Variants in CTNNA2 observed in about 807,000 individuals in gnomAD.
CTNNA2 encodes the protein catenin alpha 2.
In CTNNA2, 42 loss-of-function variants were observed where a neutral mutation model predicts 101.0. The observed-to-expected ratio is 0.42, with a 90% CI of 0.32 to 0.54. The LOEUF is 0.54. CTNNA2 is among the 20% of genes least tolerant of loss of function. The pLI is 0.14. For missense variants in CTNNA2, 871 were observed against 1,223.1 expected, an observed-to-expected ratio of 0.71 and a Z score of 4.29; for synonymous variants, 450 against 456.4, an observed-to-expected ratio of 0.99 and a Z score of 0.18.
chr2:79,381,462 A>G (rs1678038592), intron 4 of CTNNA2, among the ~76,000 whole-genome samples: 1 of 152,328 alleles, frequency 6.6e-6, no homozygotes, highest in Non-Finnish European at 1.5e-5. Flanking sequence ...TTTTGATTCA[A>G]TTGATCAAAA....
intron 1 of CTNNA2, among the ~76,000 whole-genome samples, chr2:79,648,095 T>C (rs1680950045): frequency 6.6e-6 from 1 of 152,232 alleles, no homozygotes; most frequent in Non-Finnish European, 1.5e-5. Context: ...AATGACTATT[T>C]ACTGAAAAAT....
At chr2:79,981,805 T>C (rs1431077193) in intron 7 of CTNNA2, among the ~76,000 whole-genome samples, 1 of 152,214 alleles carries the variant, frequency 6.6e-6, no homozygotes, top group East Asian at 1.9e-4. Context: ...AATACCTAAC[T>C]AATGTATGTC....
chr2:80,159,429 A>G (rs1304945345), intron 7 of CTNNA2, among the ~76,000 whole-genome samples: 1 of 152,232 alleles, frequency 6.6e-6, no homozygotes, highest in Non-Finnish European at 1.5e-5. Context: ...CAACTTAAAC[A>G]AAAATTAGCC....
At chr2:80,081,154 T>C (rs1253164379) in intron 7 of CTNNA2, among the ~76,000 whole-genome samples, 1 of 151,578 alleles carries the variant, frequency 6.6e-6, no homozygotes, top group Non-Finnish European at 1.5e-5. Flanking sequence ...GAACTTCCCC[T>C]TAATAAAAAC....
chr2:79,286,565 A>G (rs563992372), intron 2 of CTNNA2, among the ~76,000 whole-genome samples: 29 of 152,184 alleles, frequency 1.9e-4, no homozygotes, highest in African/African-American at 7.0e-4. Flanking sequence ...TTTCTTTAAG[A>G]ATGTTGAATA....
intron 7 of CTNNA2, among the ~76,000 whole-genome samples, chr2:80,341,240 C>G (rs895785602): frequency 6.6e-6 from 1 of 152,072 alleles, no homozygotes; most frequent in African/African-American, 2.4e-5. Context: ...TACCTCCTCC[C>G]CAGAGGTGGG....
chr2:79,325,676 T>C (rs1368951), intron 3 of CTNNA2, among the ~76,000 whole-genome samples: 38,953 of 152,060 alleles, frequency 0.26, 5,259 homozygotes, highest in Middle Eastern at 0.37. Flanking sequence ...TCAGTAGTTA[T>C]AGCAGCATCA....
chr2:80,480,606 G>A (rs937234652), intron 9 of CTNNA2, among the ~76,000 whole-genome samples: 1 of 152,024 alleles, frequency 6.6e-6, no homozygotes, highest in African/African-American at 2.4e-5. Context: ...TCTTAAATTG[G>A]CATCTTGAAT....
At chr2:79,864,969 C>T (rs1160050018) in intron 4 of CTNNA2, among the ~76,000 whole-genome samples, 3 of 152,070 alleles carry the variant, frequency 2.0e-5, no homozygotes, top group African/African-American at 7.2e-5. Context: ...ATTTAGAACA[C>T]TATCTTGTAT....
intron 7 of CTNNA2, among the ~76,000 whole-genome samples, chr2:80,308,790 G>A (rs935780806): frequency 5.3e-5 from 8 of 152,056 alleles, no homozygotes; most frequent in African/African-American, 1.9e-4. Context: ...AAATAGAAAT[G>A]CAAGTTCTCC....
At chr2:80,195,085 TAAAG>T (rs965059113) in intron 7 of CTNNA2, among the ~76,000 whole-genome samples, 3 of 152,198 alleles carry the variant, frequency 2.0e-5, no homozygotes, top group Non-Finnish European at 4.4e-5. Context: ...GACCTTTACT[TAAAG>T]ACTCTTAGTA....
chr2:80,096,056 T>C (rs1483596829), intron 7 of CTNNA2, among the ~76,000 whole-genome samples: 1 of 151,926 alleles, frequency 6.6e-6, no homozygotes, highest in Non-Finnish European at 1.5e-5. Flanking sequence ...CTTTTGAATG[T>C]GTTTGCTCTT....
At chr2:80,282,278 T>C (rs904999295) in intron 7 of CTNNA2, among the ~76,000 whole-genome samples, 8 of 152,146 alleles carry the variant, frequency 5.3e-5, no homozygotes, top group Non-Finnish European at 1.2e-4. Flanking sequence ...TTGCTGTTTT[T>C]TTTTTAAGTT....
intron 2 of CTNNA2, among the ~76,000 whole-genome samples, chr2:79,287,640 G>C (rs1166773754): frequency 2.0e-5 from 3 of 151,506 alleles, no homozygotes; most frequent in Admixed American, 1.3e-4. Context: ...GAGAACCACT[G>C]CTCTCTTCAA....
intron 3 of CTNNA2, among the ~76,000 whole-genome samples, chr2:79,854,200 A>G (rs1214569668): frequency 6.6e-6 from 1 of 152,252 alleles, no homozygotes; most frequent in Non-Finnish European, 1.5e-5. Flanking sequence ...TCTAAGGAAG[A>G]AACACAAGAA....
intron 2 of CTNNA2, among the ~76,000 whole-genome samples, chr2:79,312,429 G>A (rs554592506): frequency 4.6e-5 from 7 of 152,086 alleles, no homozygotes; most frequent in East Asian, 3.9e-4. Context: ...TCCTAACCAC[G>A]CCGTTATTCT....
chr2:79,661,710 C>G (rs1047207495), intron 2 of CTNNA2, among the ~76,000 whole-genome samples: 1 of 152,138 alleles, frequency 6.6e-6, no homozygotes, highest in Non-Finnish European at 1.5e-5. Flanking sequence ...GAGTATGCAA[C>G]TGACCACAGA....
chr2:79,788,421 T>A (rs892034647), intron 3 of CTNNA2, among the ~76,000 whole-genome samples: 1 of 152,106 alleles, frequency 6.6e-6, no homozygotes, highest in Admixed American at 6.6e-5. Context: ...GGTGGCAGCA[T>A]AAGAAATGAC....
At chr2:79,404,312 C>T (rs919615995) in intron 4 of CTNNA2, among the ~76,000 whole-genome samples, 1 of 151,928 alleles carries the variant, frequency 6.6e-6, no homozygotes, top group African/African-American at 2.4e-5. Context: ...AGCAGATCTA[C>T]TGTTTTTCTT....
Sources: allele counts gnomAD v4.1 joint callset (sites outside exome capture counted in the v4.1 genomes callset), GRCh38; gene constraint gnomAD v4.1.1; transcripts MANE v1.5; gene names NCBI Gene and HGNC (gene_info 2026-07-23, HGNC 2026-07-21).